UHRF2: variants seen among roughly 807,000 people sequenced by gnomAD.
UHRF2 encodes E3 ubiquitin-protein ligase UHRF2.
Under a neutral mutation model 96.8 loss-of-function variants are expected in UHRF2, and 23 were observed. That is an observed-to-expected ratio of 0.24 (90% CI 0.17 to 0.34). UHRF2 has a LOEUF of 0.34. Ranked by LOEUF, UHRF2 falls within the 10% of genes least tolerant of loss-of-function variation. UHRF2 has a pLI of 1.00. For synonymous variants in UHRF2, 385 were observed against 332.6 expected (o/e 1.16, Z -1.72); for missense variants, 685 against 981.5 (o/e 0.70, Z 4.04).
chr9:6,429,641 G>T (rs1294720987), intron 2 of UHRF2, among the ~76,000 whole-genome samples: 1 of 152,150 alleles, frequency 6.6e-6, no homozygotes, highest in Non-Finnish European at 1.5e-5. Flanking sequence ...TATACTCTGA[G>T]TTTTAATGAG....
At chr9:6,469,626 A>G (rs1823093460) in intron 4 of UHRF2, among the ~76,000 whole-genome samples, 1 of 147,980 alleles carries the variant, frequency 6.8e-6, no homozygotes, top group Non-Finnish European at 1.5e-5. Flanking sequence ...AAACATGTAC[A>G]AGAGTGTTAG....
intron 4 of UHRF2, among the ~76,000 whole-genome samples, chr9:6,464,324 C>T (rs961902872): frequency 3.9e-5 from 6 of 152,118 alleles, no homozygotes; most frequent in Non-Finnish European, 7.4e-5. Flanking sequence ...GTTCTAATTA[C>T]GGAGACTAGA....
intron 9 of UHRF2, chr9:6,492,832 C>CTTTTTTTTTTTTTTT (rs34371545): frequency 4.5e-5 from 4 of 89,534 alleles, no homozygotes; most frequent in Non-Finnish European, 6.5e-5. Flanking sequence ...GAGCTTTTGG[C>CTTTTTTTTTTTTTTT]TTTTTTTTTT....
intron 2 of UHRF2, among the ~76,000 whole-genome samples, chr9:6,431,540 C>T (rs1820562721): frequency 6.6e-6 from 1 of 151,978 alleles, no homozygotes; most frequent in Non-Finnish European, 1.5e-5. Context: ...GAGCTGTGAT[C>T]ACACCACTGC....
Position 6,504,675 on chromosome 9 carries a change from T to A in UHRF2, c.2246T>A (p.Phe749Tyr). The A allele has an allele frequency of 6.2e-7, 1 of 1,613,484 alleles. No individual in the cohort carries two copies. Among genetic ancestry groups the A allele is most frequent in the Non-Finnish European group, 8.5e-7 (1 of 1,179,538 alleles). The change falls in exon 15 of 16, where the codon TTC becomes TAC. Residue 749 changes from phenylalanine (F) to tyrosine (Y), a missense_variant. Around this residue, in one of 6 missense-constraint regions of UHRF2, gnomAD observed 71 missense variants for 114.1 expected, o/e 0.62. Transcript: ENST00000276893. The stretch of plus-strand genomic sequence containing the variant: ...TACCAGCCTGTGACAACTGAGTGCT[T>A]CCACAATGTCTGTAAAGTAAGTAGA... ...LVYQPVTTEC[F>Y]HNVCKDCLQR...
chr9:6,481,917 T>G (rs1823951905), intron 7 of UHRF2, 75 bp from the exon 8 acceptor site: 1 of 1,564,302 alleles, frequency 6.4e-7, no homozygotes, highest in African/African-American at 1.4e-5. Flanking sequence ...GGGTTCCTAG[T>G]CACATCTCAG....
At chr9:6,452,741 C>G (rs1344469542) in intron 3 of UHRF2, among the ~76,000 whole-genome samples, 1 of 152,116 alleles carries the variant, frequency 6.6e-6, no homozygotes, top group Non-Finnish European at 1.5e-5. Flanking sequence ...TGAGCACCAG[C>G]AGATTATGGG....
rs1819398964 is a variant in UHRF2, at chr9:6,413,349, G to T, written c.-142G>T. 1 of 818,830 alleles carries T rather than the reference G, an allele frequency of 1.2e-6. No homozygotes were observed. Among genetic ancestry groups the T allele is most frequent in the Admixed American group, 5.1e-5 (1 of 19,784 alleles). 50.7% of individuals were successfully genotyped at this position (818,830 alleles called of 1,614,324 possible). On this transcript the variant is annotated 5_prime_UTR_variant, in exon 1 of 16. Coordinates refer to ENST00000276893, the MANE Select transcript of UHRF2 (RefSeq NM_152896.3). ...GAGTCGTCGCCGCCTGTCGGGCCCG[G>T]CGTCCGGTCGGTCCGGTGGGCGCGC...
At chr9:6,449,747 C>T (rs1408086853) in intron 3 of UHRF2, among the ~76,000 whole-genome samples, 1 of 152,184 alleles carries the variant, frequency 6.6e-6, no homozygotes, top group Non-Finnish European at 1.5e-5. Context: ...ACACTTGCTT[C>T]TGGGAGTCTG....
intron 3 of UHRF2, among the ~76,000 whole-genome samples, chr9:6,444,194 GTTGT>G (rs894260415): frequency 4.6e-5 from 7 of 152,336 alleles, no homozygotes; most frequent in Admixed American, 3.9e-4. Flanking sequence ...ACTAGAATGA[GTTGT>G]TTAATTTCAG....
At chr9:6,452,389 C>T (rs907313345) in intron 3 of UHRF2, among the ~76,000 whole-genome samples, 1 of 152,184 alleles carries the variant, frequency 6.6e-6, no homozygotes, top group Admixed American at 6.5e-5. Context: ...GGGGAAAATA[C>T]CACTTTGTAT....
Position 6,485,614 on chromosome 9 carries a change from G to A in UHRF2, c.1393-1207G>A, listed in dbSNP as rs566976636. 1.1e-4 allele frequency among the ~76,000 whole-genome samples: 11 copies of A among 96,644 alleles called. No individual in the cohort carries two copies. In the Admixed American group the frequency reaches 1.2e-3, roughly 10 times the overall value. 63.4% of individuals were successfully genotyped at this position (96,644 alleles called of 152,430 possible). ...GCTTCTAAAGTGCCTTTCCACCCCCGCCCCCCGCCCCAAATTATTGTGCAA... is the reference window on the plus strand; with the variant it reads ...GCTTCTAAAGTGCCTTTCCACCCCCACCCCCCGCCCCAAATTATTGTGCAA... On this transcript the variant is annotated intron_variant, in intron 8 of 15. Transcript: ENST00000276893.
intron 2 of UHRF2, among the ~76,000 whole-genome samples, chr9:6,432,863 C>G (rs1820633509): frequency 6.7e-6 from 1 of 150,328 alleles, no homozygotes. Flanking sequence ...CTTTTTGAGA[C>G]AGAGTCTTGC....
chr9:6,413,362 C>A lies in UHRF2; in HGVS notation c.-129C>A. ...CTGTCGGGCCCGGCGTCCGGTCGGT[C>A]CGGTGGGCGCGCTCGCCCGCCTGCC... On this transcript the variant is annotated 5_prime_UTR_variant, in exon 1 of 16. Coordinates refer to ENST00000276893, the MANE Select transcript of UHRF2 (RefSeq NM_152896.3). The A allele has an allele frequency of 1.0e-6, 1 of 975,984 alleles. No individual in the cohort carries two copies. The highest frequency in any genetic ancestry group is 5.2e-5 in the South Asian group (1 of 19,314). 60.5% of individuals were successfully genotyped at this position (975,984 alleles called of 1,614,324 possible). A position where few individuals can be genotyped will look rare whatever the true frequency, so the allele number is the denominator to read the frequency against.
chr9:6,413,559 C>G lies in UHRF2; in HGVS notation c.69C>G (p.Ala23=). 6.2e-7 allele frequency: 1 copy of G among 1,601,440 alleles called. No individual in the cohort carries two copies. The highest frequency in any genetic ancestry group is 8.5e-7 in the Non-Finnish European group (1 of 1,174,590). The change falls in exon 1 of 16, where the codon GCC becomes GCG. Residue 23 remains alanine (A), a synonymous_variant. Coordinates refer to ENST00000276893, the MANE Select transcript of UHRF2 (RefSeq NM_152896.3). ...CCATTGAGGACGTGTCTCGCAAAGC[C>G]ACGATTGAGGAGCTGCGCGAGCGGG... ...TCTIEDVSRK[A]TIEELRERVW...
intron 14 of UHRF2, among the ~76,000 whole-genome samples, chr9:6,501,400 T>C (rs1816285818): frequency 6.6e-6 from 1 of 152,210 alleles, no homozygotes; most frequent in African/African-American, 2.4e-5. Flanking sequence ...ATACAATTAC[T>C]TTTCTGTTTT....
At chr9:6,441,267 G>A (rs963054173) in intron 3 of UHRF2, among the ~76,000 whole-genome samples, 5 of 152,162 alleles carry the variant, frequency 3.3e-5, no homozygotes, top group South Asian at 4.2e-4. Context: ...CCAGCTACTC[G>A]GGAGGCTGAA....
At chr9:6,414,864 T>C (rs1819501204) in intron 1 of UHRF2, among the ~76,000 whole-genome samples, 1 of 152,240 alleles carries the variant, frequency 6.6e-6, no homozygotes, top group African/African-American at 2.4e-5. Context: ...CTTTGATTTG[T>C]GTTTGCAGCC....
At chr9:6,425,111 G>A (rs150805484) in intron 2 of UHRF2, among the ~76,000 whole-genome samples, 7 of 152,240 alleles carry the variant, frequency 4.6e-5, no homozygotes, top group Non-Finnish European at 1.0e-4. Flanking sequence ...TGGAGAGAAA[G>A]TCACTGTACA....
Sources: gnomAD v4.1 joint callset for allele counts (sites outside exome capture counted in the v4.1 genomes callset) on GRCh38, gnomAD v4.1.1 for gene constraint, gnomAD v4.1.1 regional missense constraint, MANE v1.5 for transcripts, NCBI Gene and HGNC (gene_info 2026-07-23, HGNC 2026-07-21) for gene names.